Variants in IGSF21 observed in about 807,000 individuals in gnomAD.
IGSF21 encodes the protein immunoglobulin superfamily member 21.
Under a neutral mutation model 46.8 loss-of-function variants are expected in IGSF21, and 28 were observed. That is an observed-to-expected ratio of 0.60 (90% CI 0.44 to 0.82). IGSF21 has a LOEUF of 0.82. Among genes scored for constraint, IGSF21 ranks in the 40% least tolerant of loss-of-function variants. The pLI, the probability that IGSF21 is intolerant of heterozygous loss-of-function variation, is 0.00. For missense variants in IGSF21, 624 were observed against 665.5 expected (o/e 0.94, Z 0.69); for synonymous variants, 284 against 273.6 (o/e 1.04, Z -0.38).
intron 2 of IGSF21, among the ~76,000 whole-genome samples, chr1:18,285,800 T>G (rs2085207241): frequency 6.6e-6 from 1 of 152,174 alleles, no homozygotes; most frequent in South Asian, 2.1e-4. Context: ...CAATAGCTAA[T>G]ATGATGGAGC....
chr1:18,320,378 C>A (rs2085589246), intron 3 of IGSF21, among the ~76,000 whole-genome samples: 1 of 152,180 alleles, frequency 6.6e-6, no homozygotes, highest in African/African-American at 2.4e-5. Flanking sequence ...TTTAAGAGAA[C>A]CCAGATTGAA....
chr1:18,315,718 G>A (rs927787939), intron 3 of IGSF21, among the ~76,000 whole-genome samples: 1 of 151,974 alleles, frequency 6.6e-6, no homozygotes, highest in Admixed American at 6.6e-5. Context: ...TGGTGGATAG[G>A]TGTGGATGGA....
chr1:18,304,835 TA>T (rs2085396216), intron 3 of IGSF21, among the ~76,000 whole-genome samples: 1 of 152,190 alleles, frequency 6.6e-6, no homozygotes, highest in African/African-American at 2.4e-5. Context: ...TGCTGGTATT[TA>T]AAAAAATTGA....
intron 1 of IGSF21, among the ~76,000 whole-genome samples, chr1:18,216,761 A>G (rs556234084): frequency 7.8e-4 from 118 of 152,212 alleles, no homozygotes; most frequent in Admixed American, 2.7e-3. Flanking sequence ...AAGGAGGTAG[A>G]TGGTTGGGAG....
Position 18,282,441 on chromosome 1 carries a change from G to A in IGSF21, c.184-9425G>A, listed in dbSNP as rs75189320. On this transcript the variant is annotated intron_variant, in intron 2 of 9. Coordinates refer to ENST00000251296, the MANE Select transcript of IGSF21 (RefSeq NM_032880.5). ...TCTGCTAGCCCCTAAAGCATGAAGC[G>A]GGAGCGGGGTGCTGCATGGGAGGTG... Among the ~76,000 whole-genome samples, 142 of 152,118 alleles carry A rather than the reference G, an allele frequency of 9.3e-4. 3 individuals are homozygous for A. The East Asian group carries it at 0.026, about 27-fold the overall frequency.
intron 1 of IGSF21, among the ~76,000 whole-genome samples, chr1:18,136,980 G>A (rs2086373004): frequency 6.6e-6 from 1 of 152,126 alleles, no homozygotes; most frequent in Admixed American, 6.5e-5. Context: ...CACATCCCTT[G>A]TAAGTTGGAT....
chr1:18,294,738 G>A (rs1485907988), intron 3 of IGSF21, among the ~76,000 whole-genome samples: 1 of 152,216 alleles, frequency 6.6e-6, no homozygotes, highest in Non-Finnish European at 1.5e-5. Flanking sequence ...CCAGGGAGCT[G>A]AGCCGTCCTG....
At chr1:18,345,812 T>C (rs779508247) in intron 4 of IGSF21, among the ~76,000 whole-genome samples, 2 of 152,232 alleles carry the variant, frequency 1.3e-5, no homozygotes, top group Non-Finnish European at 2.9e-5. Context: ...ATGTGAAAAC[T>C]GAGGGGTTAT....
rs1300885930 is a variant in IGSF21, at chr1:18,355,596, TC to T, written c.425-6515del. Among the ~76,000 whole-genome samples, 4 of 142,494 alleles carry T rather than the reference TC, an allele frequency of 2.8e-5. No homozygotes were observed. The Admixed American group carries it at 2.8e-4, about 10-fold the overall frequency. 93.5% of individuals were successfully genotyped at this position (142,494 alleles called of 152,430 possible). A position where few individuals can be genotyped will look rare whatever the true frequency, so the allele number is the denominator to read the frequency against. ...ATGGAAACTTCTAGCAGCAATTCTC[TC>T]CCCTTAAGGCACAGTAAAAAAAAAA... On this transcript the variant is annotated intron_variant, in intron 4 of 9. Coordinates refer to ENST00000251296, the MANE Select transcript of IGSF21 (RefSeq NM_032880.5).
chr1:18,249,072 C>G (rs372404638), intron 2 of IGSF21, among the ~76,000 whole-genome samples: 3 of 151,998 alleles, frequency 2.0e-5, no homozygotes, highest in African/African-American at 4.8e-5. Context: ...GTTTGGAGGC[C>G]AGACAGGGAG....
chr1:18,147,686 C>A (rs896894165), intron 1 of IGSF21, among the ~76,000 whole-genome samples: 4 of 152,158 alleles, frequency 2.6e-5, no homozygotes, highest in Admixed American at 1.3e-4. Flanking sequence ...ACATTGTGTA[C>A]CTCCTACATA....
At chr1:18,161,683 A>G (rs563668146) in intron 1 of IGSF21, among the ~76,000 whole-genome samples, 4 of 152,292 alleles carry the variant, frequency 2.6e-5, no homozygotes, top group East Asian at 3.9e-4. Flanking sequence ...AAACAAACAC[A>G]TGTTTGAAAG....
intron 3 of IGSF21, among the ~76,000 whole-genome samples, chr1:18,316,846 G>A (rs1375527948): frequency 6.6e-6 from 1 of 152,124 alleles, no homozygotes; most frequent in Admixed American, 6.5e-5. Flanking sequence ...AACAGCGCCT[G>A]GTACATACCA....
At chr1:18,273,404 C>CTTT in intron 2 of IGSF21, among the ~76,000 whole-genome samples, 1 of 147,264 alleles carries the variant, frequency 6.8e-6, no homozygotes, top group African/African-American at 2.5e-5. Context: ...CCTTTCCTTT[C>CTTT]CTTTCCTTTC....
At chr1:18,184,535 AC>A (rs1297428286) in intron 1 of IGSF21, among the ~76,000 whole-genome samples, 1 of 152,186 alleles carries the variant, frequency 6.6e-6, no homozygotes, top group African/African-American at 2.4e-5. Flanking sequence ...CCCACCGCAC[AC>A]GGGCTGCAGC....
chr1:18,364,531 T>C (rs2086139642), intron 5 of IGSF21, among the ~76,000 whole-genome samples: 1 of 151,134 alleles, frequency 6.6e-6, no homozygotes, highest in Non-Finnish European at 1.5e-5. Flanking sequence ...TTATTAAAAA[T>C]ACATCCAATC....
chr1:18,220,874 T>G (rs529081657), intron 1 of IGSF21, among the ~76,000 whole-genome samples: 1 of 152,000 alleles, frequency 6.6e-6, no homozygotes, highest in Non-Finnish European at 1.5e-5. Context: ...GGATGATGAG[T>G]GAGAGGTGCC....
intron 1 of IGSF21, among the ~76,000 whole-genome samples, chr1:18,191,457 G>A (rs540468497): frequency 7.2e-5 from 11 of 152,252 alleles, no homozygotes; most frequent in African/African-American, 2.2e-4. Context: ...AAGGACTCCC[G>A]GAGCAGGAGA....
chr1:18,137,132 A>T (rs923967494), intron 1 of IGSF21, among the ~76,000 whole-genome samples: 4 of 152,174 alleles, frequency 2.6e-5, no homozygotes, highest in African/African-American at 9.7e-5. Context: ...GAAGCTTCCA[A>T]TCATGGTGGA....
Sources: gnomAD v4.1 joint callset for allele counts (sites outside exome capture counted in the v4.1 genomes callset) on GRCh38, gnomAD v4.1.1 for gene constraint, MANE v1.5 for transcripts, NCBI Gene and HGNC (gene_info 2026-07-23, HGNC 2026-07-21) for gene names.